The following MAPK10 variants were observed in gnomAD, a reference collection of about 807,000 sequenced individuals.
The protein encoded by MAPK10 is JNK3 alpha protein kinase.
Under a neutral mutation model 59.3 loss-of-function variants are expected in MAPK10, and 25 were observed. The ratio of observed to expected loss-of-function variants is 0.42; its 90% CI spans 0.31 to 0.59. The LOEUF (loss-of-function observed/expected upper bound fraction) is 0.59, where lower values mean the gene tolerates loss of function less well. Among genes scored for constraint, MAPK10 ranks in the 20% least tolerant of loss-of-function variants. MAPK10 has a pLI of 0.15. For synonymous variants in MAPK10, 190 were observed against 200.5 expected, an observed-to-expected ratio of 0.95 and a Z score of 0.44; for missense variants, 351 against 568.9, an observed-to-expected ratio of 0.62 and a Z score of 3.90.
Position 86,359,907 on chromosome 4 carries a change from G to C in MAPK10, c.-371C>G, listed in dbSNP as rs1736536522. 4 of 985,594 alleles carry C rather than the reference G, an allele frequency of 4.1e-6. No individual in the cohort carries two copies. The highest frequency in any genetic ancestry group is 4.8e-6 in the Non-Finnish European group (4 of 829,906). 61.1% of individuals were successfully genotyped at this position (985,594 alleles called of 1,614,324 possible). On this transcript the variant is annotated 5_prime_UTR_variant, in exon 1 of 14. Transcript: ENST00000641462. ...TAAAAATGAAAAAAGAAAAGAAAAA[G>C]GTAAGCATATAGCAAGCACCACCCA... is the stretch of plus-strand genomic sequence containing the variant.
At chr4:86,428,012 C>T (rs1313325510) in intron 1 of MAPK10, among the ~76,000 whole-genome samples, 1 of 152,170 alleles carries the variant, frequency 6.6e-6, no homozygotes, top group African/African-American at 2.4e-5. Flanking sequence ...GTATCAGCAA[C>T]ACCTTATTCT....
chr4:86,353,567 A>C (rs753296849), intron 2 of MAPK10, among the ~76,000 whole-genome samples: 3 of 152,178 alleles, frequency 2.0e-5, no homozygotes, highest in Non-Finnish European at 2.9e-5. Flanking sequence ...ATGCTATTAG[A>C]TCTGCTTTCT....
At chr4:86,257,559 C>G (rs779747974) in intron 2 of MAPK10, among the ~76,000 whole-genome samples, 51 of 152,194 alleles carry the variant, frequency 3.4e-4, no homozygotes, top group Non-Finnish European at 6.5e-4. Context: ...TCTCCCTCTT[C>G]ATCACTGCCT....
chr4:86,037,071 T>C (rs567923534), intron 11 of MAPK10, among the ~76,000 whole-genome samples: 71 of 152,308 alleles, frequency 4.7e-4, no homozygotes, highest in Middle Eastern at 3.4e-3. Flanking sequence ...CTATAAAATA[T>C]GGCTGTTGGC....
chr4:86,450,227 T>A (rs1371282163), intron 1 of MAPK10, among the ~76,000 whole-genome samples: 1 of 152,226 alleles, frequency 6.6e-6, no homozygotes, highest in Admixed American at 6.5e-5. Flanking sequence ...CTCTTACCAT[T>A]TAGTAAATTT....
rs1369730743 is a variant in MAPK10, at chr4:86,423,766, TATAC to T, written c.-122+29260_-122+29263del. Among the ~76,000 whole-genome samples, 387 of 56,924 alleles carry T rather than the reference TATAC, an allele frequency of 6.8e-3. 15 individuals carry two copies. The highest frequency in any genetic ancestry group is 0.011 in the South Asian group (18 of 1,666). The allele number at this position is 56,924 out of a possible 152,430, so 37.3% of individuals were successfully genotyped here. A position where few individuals can be genotyped will look rare whatever the true frequency, so the allele number is the denominator to read the frequency against. On this transcript the variant is annotated intron_variant, in intron 1 of 13. Transcript: ENST00000361569. ...GCATATAAGTAATTAGTGGGATATA[TATAC>T]ATATATATATATATATATATATATA...
intron 11 of MAPK10, among the ~76,000 whole-genome samples, chr4:86,040,395 G>A (rs1010511408): frequency 1.6e-4 from 25 of 152,042 alleles, no homozygotes; most frequent in African/African-American, 5.6e-4. Context: ...ATTGATGAAG[G>A]AGAAGAAAGA....
At chr4:86,399,060 G>A (rs7656914) in intron 1 of MAPK10, among the ~76,000 whole-genome samples, 48,261 of 152,068 alleles carry the variant, frequency 0.32, 8,173 homozygotes, top group South Asian at 0.45. Flanking sequence ...CTGCTGCAAC[G>A]AACACACACA....
upstream of MAPK10, among the ~76,000 whole-genome samples, chr4:86,363,841 G>C (rs7690940): frequency 6.2e-3 from 950 of 152,098 alleles, 6 homozygotes; most frequent in African/African-American, 0.02. Flanking sequence ...GGAGTGCAGT[G>C]GTGCAATCAC....
At chr4:86,581,002 C>A (rs1038782557) in intron 1 of MAPK10, among the ~76,000 whole-genome samples, 1 of 152,108 alleles carries the variant, frequency 6.6e-6, no homozygotes, top group Non-Finnish European at 1.5e-5. Context: ...TACCCTAATG[C>A]CACAGGAGAA....
intron 4 of MAPK10, among the ~76,000 whole-genome samples, chr4:86,145,908 T>C (rs2064883508): frequency 6.6e-6 from 1 of 152,144 alleles, no homozygotes; most frequent in African/African-American, 2.4e-5. Flanking sequence ...GGTTGCAAGC[T>C]ATTAACACCC....
At chr4:86,145,316 C>T (rs1327367082) in intron 4 of MAPK10, among the ~76,000 whole-genome samples, 2 of 87,672 alleles carry the variant, frequency 2.3e-5, no homozygotes, top group African/African-American at 6.9e-5. Context: ...GAGCCGAGAT[C>T]GCGCCACTGC....
At chr4:86,397,001 G>A (rs1452204572) in intron 1 of MAPK10, among the ~76,000 whole-genome samples, 2 of 152,018 alleles carry the variant, frequency 1.3e-5, no homozygotes, top group Admixed American at 6.6e-5. Flanking sequence ...GTGGTTACTA[G>A]AAATTAAAAT....
intron 3 of MAPK10, among the ~76,000 whole-genome samples, chr4:86,188,592 T>C (rs2078857468): frequency 6.6e-6 from 1 of 152,082 alleles, no homozygotes; most frequent in African/African-American, 2.4e-5. Context: ...TTTGATGGGG[T>C]TGTTTGTTAT....
At chr4:86,091,961 C>G (rs1338638003) in intron 9 of MAPK10, among the ~76,000 whole-genome samples, 1 of 152,036 alleles carries the variant, frequency 6.6e-6, no homozygotes, top group Admixed American at 6.6e-5. Flanking sequence ...CATGAGACAC[C>G]ATGCCTGGCC....
Position 86,022,224 on chromosome 4 carries a change from T to G in MAPK10, c.1253-4854A>C, listed in dbSNP as rs549187985. On this transcript the variant is annotated intron_variant, in intron 13 of 13. Transcript: ENST00000641462. Reference sequence around the variant, plus strand: ...ATTTTACATTACTACCAGCAGTATATGAGGATTCCAATTTCTCTACATCCT... The same window carrying G: ...ATTTTACATTACTACCAGCAGTATAGGAGGATTCCAATTTCTCTACATCCT... Among the ~76,000 whole-genome samples, 101 of 152,346 alleles carry G rather than the reference T, an allele frequency of 6.6e-4. 1 individual carries two copies. The highest frequency in any genetic ancestry group is 9.8e-4 in the Non-Finnish European group (67 of 68,028).
intron 1 of MAPK10, among the ~76,000 whole-genome samples, chr4:86,449,009 C>A (rs556319047): frequency 6.0e-5 from 9 of 149,428 alleles, no homozygotes; most frequent in African/African-American, 2.2e-4. Flanking sequence ...CGCTGCTGAT[C>A]TGACAGGAAG....
chr4:86,176,874 C>T (rs17011407), intron 3 of MAPK10, among the ~76,000 whole-genome samples: 12,899 of 151,950 alleles, frequency 0.085, 1,214 homozygotes, highest in African/African-American at 0.23. Context: ...TTTACCTTAT[C>T]TTTGTTTAAT....
chr4:86,245,903 A>G (rs1470126683), intron 2 of MAPK10, among the ~76,000 whole-genome samples: 1 of 152,178 alleles, frequency 6.6e-6, no homozygotes, highest in Non-Finnish European at 1.5e-5. Flanking sequence ...ATATTACTCA[A>G]AATTATTTTT....
Sources: gnomAD v4.1 joint callset for allele counts (sites outside exome capture counted in the v4.1 genomes callset) on GRCh38, gnomAD v4.1.1 for gene constraint, MANE v1.5 for transcripts, NCBI Gene and HGNC (gene_info 2026-07-23, HGNC 2026-07-21) for gene names.